The following TRIM4 variants were observed in gnomAD, a reference collection of about 807,000 sequenced individuals.
The protein encoded by TRIM4 is tripartite motif containing 4.
Under a neutral mutation model 33.7 loss-of-function variants are expected in TRIM4, and 29 were observed. That is an observed-to-expected ratio of 0.86 (90% CI 0.64 to 1.17). The LOEUF (loss-of-function observed/expected upper bound fraction) is 1.17. Among genes scored for constraint, TRIM4 ranks in the 50% most tolerant of loss-of-function variants. The pLI is 0.00. For missense variants in TRIM4, 554 were observed against 593.7 expected (o/e 0.93, Z 0.69); for synonymous variants, 224 against 233.0 (o/e 0.96, Z 0.35).
At position 99,892,448 on chromosome 7, in the gene TRIM4, A is replaced by G. The variant is rs757904380; in HGVS notation, c.1140T>C (p.Asp380=). ...CCACATCTGGGGACATTTTTGAACG[A>G]TCAGTAATTCCCATGACGTCCTCCC... The part of the protein sequence containing the change: ...VCREDVMGIT[D]RSKMSPDVGI... The change falls in exon 6 of 6, where the codon GAT becomes GAC. Residue 380 remains aspartate (D), a synonymous_variant. Transcript: ENST00000349062. The G allele has an allele frequency of 6.8e-6, 11 of 1,614,068 alleles. No homozygotes were observed. In the Admixed American group the frequency reaches 1.8e-4, roughly 27 times the overall value.
intron 1 of TRIM4, 43 bp from the exon 2 acceptor site, chr7:99,909,703 C>A (rs760619449): frequency 7.4e-7 from 1 of 1,359,392 alleles, no homozygotes; most frequent in Non-Finnish European, 1.0e-6. Context: ...ACATCTCCAA[C>A]CATCATCATC....
chr7:99,906,349 C>A (rs1236362806), intron 3 of TRIM4, among the ~76,000 whole-genome samples: 1 of 151,692 alleles, frequency 6.6e-6, no homozygotes, highest in African/African-American at 2.4e-5. Context: ...TTTTTCTCCA[C>A]GAGTGTCATA....
At chr7:99,918,565 A>AG (rs924400740) in intron 1 of TRIM4, among the ~76,000 whole-genome samples, 17 of 140,332 alleles carry the variant, frequency 1.2e-4, no homozygotes, top group African/African-American at 4.8e-4. Context: ...ACTCCATCTC[A>AG]GAAAAAAAAA....
At chr7:99,911,355 G>T (rs1429507027) in intron 1 of TRIM4, among the ~76,000 whole-genome samples, 2 of 152,158 alleles carry the variant, frequency 1.3e-5, no homozygotes, top group Non-Finnish European at 2.9e-5. Flanking sequence ...TATGCCAAAG[G>T]AAGAGACCAT....
At chr7:99,915,349 G>C (rs1348555661) in intron 1 of TRIM4, among the ~76,000 whole-genome samples, 1 of 152,200 alleles carries the variant, frequency 6.6e-6, no homozygotes, top group Non-Finnish European at 1.5e-5. Flanking sequence ...AGAATGGAGG[G>C]ATTAGCTCCT....
intron 1 of TRIM4, among the ~76,000 whole-genome samples, chr7:99,911,197 G>A (rs991605748): frequency 6.6e-5 from 10 of 152,162 alleles, no homozygotes; most frequent in African/African-American, 1.9e-4. Context: ...TTGGGTGAGC[G>A]TAAAATCACC....
chr7:99,895,121 T>A (rs1818987309), intron 5 of TRIM4, among the ~76,000 whole-genome samples: 1 of 152,226 alleles, frequency 6.6e-6, no homozygotes, highest in South Asian at 2.1e-4. Flanking sequence ...CTTTACTTGC[T>A]CCTCTTTCTC....
chr7:99,901,124 G>A (rs1013372251), intron 5 of TRIM4: 3 of 152,100 alleles, frequency 2.0e-5, no homozygotes, highest in African/African-American at 7.2e-5. Context: ...TGCTCTTTGT[G>A]TTTTTGTAAA....
rs59409421 is a variant in TRIM4, at chr7:99,918,566, GA to G, written c.393+442del. 3.5e-3 allele frequency among the ~76,000 whole-genome samples: 482 copies of G among 136,988 alleles called. 1 individual carries two copies. Among genetic ancestry groups the G allele is most frequent in the East Asian group, 9.3e-3 (43 of 4,610 alleles). 89.9% of individuals were successfully genotyped at this position (136,988 alleles called of 152,430 possible). A position where few individuals can be genotyped will look rare whatever the true frequency, so the allele number is the denominator to read the frequency against. On this transcript the variant is annotated intron_variant, in intron 1 of 5. Transcript: ENST00000349062. ...GGCAATAAAGTGAGACTCCATCTCAGAAAAAAAAAAAAAATCTCATTGATAA... is the reference window on the plus strand; with the variant it reads ...GGCAATAAAGTGAGACTCCATCTCAGAAAAAAAAAAAAATCTCATTGATAA...
Position 99,919,286 on chromosome 7 carries a change from T to C in TRIM4, c.116A>G (p.Asn39Ser), listed in dbSNP as rs1386345275. The C allele has an allele frequency of 7.1e-6, 11 of 1,551,624 alleles. No individual in the cohort carries two copies. The highest frequency in any genetic ancestry group is 3.6e-5 in the South Asian group (3 of 84,440). Residue 39 changes from asparagine to serine, a missense_variant, in exon 1 of 6, where the codon AAC (asparagine) becomes AGC (serine). Transcript: ENST00000349062. ...GAACGGGCCGCCGCCCGGCGCCCAG[T>C]TGCGGTGCAGGCAGCCGCGGCAGAA... ...HNFCRGCLHR[N>S]WAPGGGPFPC...
rs1819636852 is a variant in TRIM4 at position 99,919,296 on chromosome 7, G to C, written c.106C>G (p.Leu36Val). ...CCGCCCGGCGCCCAGTTGCGGTGCA[G>C]GCAGCCGCGGCAGAAGTTGTGGCCG... is the stretch of plus-strand genomic sequence containing the variant. ...ECGHNFCRGC[L>V]HRNWAPGGGP... Residue 36 changes from leucine (L) to valine (V), a missense_variant, in exon 1 of 6, where the codon CTG becomes GTG. Physicochemically the swap from Leu to Val is conservative, Grantham distance 32. This residue lies in a region of TRIM4 where 233 missense variants were observed against 203.1 expected (regional missense o/e 1.15). Coordinates refer to ENST00000349062, the MANE Select transcript of TRIM4 (RefSeq NM_033091.3). The C allele has an allele frequency of 1.3e-6, 2 of 1,554,144 alleles. No individual in the cohort carries two copies. Among genetic ancestry groups the C allele is most frequent in the Non-Finnish European group, 1.7e-6 (2 of 1,150,410 alleles).
intron 2 of TRIM4, among the ~76,000 whole-genome samples, chr7:99,909,035 A>C (rs757233379): frequency 1.3e-5 from 2 of 152,114 alleles, no homozygotes; most frequent in African/African-American, 2.4e-5. Flanking sequence ...TTCAGTCTCT[A>C]CTACTGACAA....
At chr7:99,913,750 T>C (rs1819496019) in intron 1 of TRIM4, among the ~76,000 whole-genome samples, 1 of 152,200 alleles carries the variant, frequency 6.6e-6, no homozygotes, top group South Asian at 2.1e-4. Context: ...CAGAAAATTA[T>C]ACGTATATGA....
intron 3 of TRIM4, among the ~76,000 whole-genome samples, chr7:99,905,858 A>G (rs1819291073): frequency 6.6e-6 from 1 of 152,210 alleles, no homozygotes. Context: ...AATAAGCACA[A>G]CGAGTGCTGG....
chr7:99,909,729 G>GT (rs58242927), intron 1 of TRIM4, 69 bp from the exon 2 acceptor site: 25,349 of 718,922 alleles, frequency 0.035, 12 homozygotes, highest in East Asian at 0.075. Flanking sequence ...TTTTCTTTTT[G>GT]TTTTTTTTTT....
Position 99,919,050 on chromosome 7 carries a change from G to C in TRIM4, c.352C>G (p.His118Asp). The C allele has an allele frequency of 1.9e-6, 3 of 1,582,200 alleles. No homozygotes were observed. The highest frequency in any genetic ancestry group is 2.6e-6 in the Non-Finnish European group (3 of 1,166,314). Residue 118 changes from histidine to aspartate, a missense_variant, in exon 1 of 6, where the codon CAC (histidine) becomes GAC (aspartate). By Grantham distance (81) the His-to-Asp change is moderately conservative. Around this residue, in one of 3 missense-constraint regions of TRIM4, gnomAD observed 233 missense variants for 203.1 expected, o/e 1.15. Coordinates refer to ENST00000349062, the MANE Select transcript of TRIM4 (RefSeq NM_033091.3). Reference sequence around the variant, plus strand: ...GCCTCGTCGATGGGTGCCATGGCGTGAGTCTGGTGCTCCTGGGACTCCCTG... The same window carrying C: ...GCCTCGTCGATGGGTGCCATGGCGTCAGTCTGGTGCTCCTGGGACTCCCTG... Reference protein sequence around the residue: ...VCRESQEHQTHAMAPIDEAFE... With the variant: ...VCRESQEHQTDAMAPIDEAFE...
chr7:99,907,210 C>T (rs931574312), intron 3 of TRIM4, among the ~76,000 whole-genome samples: 3 of 152,128 alleles, frequency 2.0e-5, no homozygotes. Flanking sequence ...CTCTGTCTCC[C>T]GGGTTCAAGT....
chr7:99,901,136 T>C (rs968819426), intron 5 of TRIM4: 2 of 152,226 alleles, frequency 1.3e-5, no homozygotes, highest in South Asian at 4.1e-4. Context: ...TTTTGTAAAT[T>C]GTTTTATTCT....
intron 5 of TRIM4, among the ~76,000 whole-genome samples, chr7:99,900,144 G>A (rs181525934): frequency 6.6e-6 from 1 of 152,300 alleles, no homozygotes; most frequent in African/African-American, 2.4e-5. Flanking sequence ...TGACAAGTCC[G>A]AATCTGCTGT....
Sources: gnomAD v4.1 joint callset for allele counts (sites outside exome capture counted in the v4.1 genomes callset) on GRCh38, gnomAD v4.1.1 for gene constraint, gnomAD v4.1.1 regional missense constraint, MANE v1.5 for transcripts, NCBI Gene and HGNC (gene_info 2026-07-23, HGNC 2026-07-21) for gene names.